Variants in MAST4 observed in about 807,000 individuals in gnomAD.
The protein encoded by MAST4 is microtubule associated serine/threonine kinase family member 4.
Under a neutral mutation model 162.7 loss-of-function variants are expected in MAST4, and 89 were observed. The ratio of observed to expected loss-of-function variants is 0.55; its 90% CI spans 0.46 to 0.65. The LOEUF (loss-of-function observed/expected upper bound fraction) is 0.65, where lower values mean the gene tolerates loss of function less well. Among genes scored for constraint, MAST4 ranks in the 30% least tolerant of loss-of-function variants. MAST4 has a pLI of 0.00. For synonymous variants in MAST4, 1,479 were observed against 1,361.1 expected (o/e 1.09, Z -1.91); for missense variants, 3,153 against 3,374.0 (o/e 0.93, Z 1.62).
At chr5:67,137,486 T>A (rs894926450) in intron 19 of MAST4, among the ~76,000 whole-genome samples, 1 of 152,242 alleles carries the variant, frequency 6.6e-6, no homozygotes, top group Non-Finnish European at 1.5e-5. Flanking sequence ...TACTCTGGGC[T>A]GTTTCATTCT....
chr5:67,149,332 C>A, intron 23 of MAST4, 57 bp from the exon 24 acceptor site: 2 of 1,500,302 alleles, frequency 1.3e-6, no homozygotes, highest in Non-Finnish European at 1.8e-6. Context: ...TTCCCGTCTT[C>A]CCACCTCTCC....
chr5:66,856,491 T>G (rs1759693115), intron 3 of MAST4, among the ~76,000 whole-genome samples: 1 of 152,262 alleles, frequency 6.6e-6, no homozygotes, highest in Non-Finnish European at 1.5e-5. Flanking sequence ...ATTTATTTAC[T>G]GTTTCCACTT....
At chr5:66,873,351 T>C (rs1761076570) in intron 3 of MAST4, among the ~76,000 whole-genome samples, 1 of 152,202 alleles carries the variant, frequency 6.6e-6, no homozygotes. Context: ...GACCTTTCTT[T>C]ATAAGCACAC....
chr5:66,762,557 G>C (rs1338796618), intron 2 of MAST4, among the ~76,000 whole-genome samples: 1 of 152,212 alleles, frequency 6.6e-6, no homozygotes, highest in Non-Finnish European at 1.5e-5. Context: ...GCTAGTGTCA[G>C]ATGTTGGAGC....
At chr5:67,094,494 C>T (rs1764213823) in intron 6 of MAST4, among the ~76,000 whole-genome samples, 1 of 152,070 alleles carries the variant, frequency 6.6e-6, no homozygotes, top group South Asian at 2.1e-4. Context: ...ACAAAATGTC[C>T]ATATATGACA....
At chr5:66,866,667 A>C (rs940012860) in intron 3 of MAST4, among the ~76,000 whole-genome samples, 17 of 152,246 alleles carry the variant, frequency 1.1e-4, no homozygotes, top group African/African-American at 4.1e-4. Flanking sequence ...GATATAAACT[A>C]TCTCAGAGGT....
At chr5:66,955,316 AG>A (rs1745178460) in intron 4 of MAST4, among the ~76,000 whole-genome samples, 1 of 152,026 alleles carries the variant, frequency 6.6e-6, no homozygotes, top group African/African-American at 2.4e-5. Flanking sequence ...TGGACATGTC[AG>A]GGGAGAAGAG....
chr5:66,739,823 G>C (rs931785056), intron 1 of MAST4, among the ~76,000 whole-genome samples: 1 of 150,764 alleles, frequency 6.6e-6, no homozygotes, highest in African/African-American at 2.4e-5. Context: ...CTGCCAAGCA[G>C]GATGTTATTT....
intron 2 of MAST4, 63 bp from the exon 3 acceptor site, chr5:66,788,607 C>CCAAAAAAAAAAAAAAAAAAAACA: frequency 7.3e-7 from 1 of 1,373,728 alleles, no homozygotes; most frequent in Non-Finnish European, 1.0e-6. Flanking sequence ...CCCCCACCCC[C>CCAAAAAAAAAAAAAAAAAAAACA]ATTGCAATAA....
At position 67,163,116 on chromosome 5, in the gene MAST4, A is replaced by T. The variant is rs1773410588; in HGVS notation, c.3968-31A>T. 6.3e-7 allele frequency: 1 copy of T among 1,575,134 alleles called. No individual in the cohort carries two copies. The highest frequency in any genetic ancestry group is 1.3e-5 in the African/African-American group (1 of 74,130). ...GAAAAAAAGGGGAAAATGACCATGGATGCTCACAGCCTTCTGTTTTCCATC... is the reference window on the plus strand; with the variant it reads ...GAAAAAAAGGGGAAAATGACCATGGTTGCTCACAGCCTTCTGTTTTCCATC... On this transcript the variant is annotated intron_variant, in intron 28 of 28. Coordinates refer to ENST00000403625, the MANE Select transcript of MAST4 (RefSeq NM_001164664.2). The surrounding 1 kb of genome is among the most constrained non-coding windows in gnomAD (Gnocchi z 7.0).
chr5:66,882,527 C>G (rs1761757572), intron 3 of MAST4, among the ~76,000 whole-genome samples: 1 of 151,936 alleles, frequency 6.6e-6, no homozygotes, highest in Admixed American at 6.6e-5. Flanking sequence ...GTTAGTAAGC[C>G]CATTTCATTG....
At chr5:66,837,249 G>T (rs539728870) in intron 3 of MAST4, among the ~76,000 whole-genome samples, 14 of 152,162 alleles carry the variant, frequency 9.2e-5, no homozygotes, top group South Asian at 2.1e-4. Flanking sequence ...AATATGTATT[G>T]TAGTTAACGT....
At chr5:66,645,894 C>A (rs1211113609) in intron 1 of MAST4, among the ~76,000 whole-genome samples, 1 of 152,074 alleles carries the variant, frequency 6.6e-6, no homozygotes, top group Non-Finnish European at 1.5e-5. Flanking sequence ...ATGGAACATT[C>A]TTTGCAGATT....
intron 5 of MAST4, among the ~76,000 whole-genome samples, chr5:67,063,160 C>T (rs1485671876): frequency 1.4e-5 from 2 of 146,334 alleles, no homozygotes; most frequent in Non-Finnish European, 3.0e-5. Flanking sequence ...GCTGTACTCA[C>T]TTTTTTTTTT....
At chr5:66,883,693 C>T (rs1422491548) in intron 3 of MAST4, among the ~76,000 whole-genome samples, 1 of 152,104 alleles carries the variant, frequency 6.6e-6, no homozygotes, top group Non-Finnish European at 1.5e-5. Context: ...TCCCAAAGTG[C>T]TGGGATTACA....
At chr5:66,843,929 A>G (rs1758608146) in intron 3 of MAST4, among the ~76,000 whole-genome samples, 1 of 151,936 alleles carries the variant, frequency 6.6e-6, no homozygotes, top group Admixed American at 6.6e-5. Flanking sequence ...CCTCACCCCC[A>G]GGCTTTCAGA....
intron 5 of MAST4, among the ~76,000 whole-genome samples, chr5:67,059,460 C>T (rs1431255201): frequency 6.6e-6 from 1 of 152,106 alleles, no homozygotes; most frequent in Admixed American, 6.5e-5. Flanking sequence ...AGAATTCTGC[C>T]TACCACAGTA....
chr5:66,647,265 T>C (rs1745902729), intron 1 of MAST4, among the ~76,000 whole-genome samples: 2 of 152,174 alleles, frequency 1.3e-5, no homozygotes, highest in African/African-American at 4.8e-5. Context: ...AATCTTCAAA[T>C]GTTTAAAGAA....
At chr5:67,120,007 C>T (rs1329605395) in intron 13 of MAST4, among the ~76,000 whole-genome samples, 1 of 152,064 alleles carries the variant, frequency 6.6e-6, no homozygotes, top group Non-Finnish European at 1.5e-5. Context: ...AGTGACTAAA[C>T]AAGTAAGTGG....
Sources: gnomAD v4.1 joint callset for allele counts (sites outside exome capture counted in the v4.1 genomes callset) on GRCh38, gnomAD v4.1.1 for gene constraint, Gnocchi (gnomAD v3.1) non-coding constraint, MANE v1.5 for transcripts, NCBI Gene and HGNC (gene_info 2026-07-23, HGNC 2026-07-21) for gene names.